The following SLC25A4 variants were observed in gnomAD, a reference collection of about 807,000 sequenced individuals.
The protein encoded by SLC25A4 is ADP/ATP translocase 1.
Under a neutral mutation model 24.7 loss-of-function variants are expected in SLC25A4, and 10 were observed. The observed-to-expected ratio is 0.41, with a 90% CI of 0.25 to 0.69. SLC25A4 has a LOEUF of 0.69. Ranked by LOEUF, SLC25A4 falls within the 30% of genes least tolerant of loss-of-function variation. The probability of loss-of-function intolerance (pLI) is 0.35; values close to 1 mark genes in which losing one functional copy is unlikely to be tolerated. For missense variants in SLC25A4, 273 were observed against 387.6 expected (o/e 0.70, Z 2.48); for synonymous variants, 125 against 153.3 (o/e 0.82, Z 1.36).
intron 3 of SLC25A4, among the ~76,000 whole-genome samples, chr4:185,146,377 C>G (rs1734443401): frequency 6.6e-6 from 1 of 152,166 alleles, no homozygotes; most frequent in African/African-American, 2.4e-5. Flanking sequence ...CTTTAAAAGT[C>G]AAAAACAGTC....
chr4:185,144,916 C>A lies in SLC25A4; in HGVS notation c.264C>A (p.Asn88Lys). ...VIRYFPTQAL[N>K]FAFKDKYKQL... ...GTTACTTCCCCACCCAAGCTCTCAA[C>A]TTCGCCTTCAAGGACAAGTACAAGC... The change falls in exon 2 of 4, where the codon AAC becomes AAA. Residue 88 changes from asparagine (N) to lysine (K), a missense_variant. By Grantham distance (94) the Asn-to-Lys change is moderately conservative (BLOSUM62 0). Transcript: ENST00000281456. 1 of 1,614,238 alleles carries A rather than the reference C, an allele frequency of 6.2e-7. No homozygotes were observed. The highest frequency in any genetic ancestry group is 1.1e-5 in the South Asian group (1 of 91,090).
At chr4:185,146,778 G>C in intron 3 of SLC25A4, 36 bp from the exon 4 acceptor site, 1 of 1,613,432 alleles carries the variant, frequency 6.2e-7, no homozygotes, top group Non-Finnish European at 8.5e-7. Context: ...CTTTCCTCCA[G>C]CGTTACGGAG....
rs1734479541 is a variant in SLC25A4 at position 185,148,298 on chromosome 4, A to C, written c.*1327A>C. 6.6e-6 allele frequency: 1 copy of C among 152,040 alleles called. No homozygotes were observed. The highest frequency in any genetic ancestry group is 2.1e-4 in the South Asian group (1 of 4,816). 9.4% of individuals were successfully genotyped at this position (152,040 alleles called of 1,614,324 possible). A position where few individuals can be genotyped will look rare whatever the true frequency, so the allele number is the denominator to read the frequency against. The stretch of plus-strand genomic sequence containing the variant: ...CCCAAATGCCCCTCCTCCAAACACC[A>C]CCACTTTGGGGGTTAAGATTTCAAC... On this transcript the variant is annotated 3_prime_UTR_variant, in exon 4 of 4. Coordinates refer to ENST00000281456, the MANE Select transcript of SLC25A4 (RefSeq NM_001151.4).
chr4:185,143,347 C>T lies in SLC25A4; in HGVS notation c.-26C>T. 7.2e-7 allele frequency: 1 copy of T among 1,389,572 alleles called. No homozygotes were observed. Among genetic ancestry groups the T allele is most frequent in the Non-Finnish European group, 9.9e-7 (1 of 1,010,200 alleles). The allele number at this position is 1,389,572 out of a possible 1,614,324, so 86.1% of individuals were successfully genotyped here. On this transcript the variant is annotated 5_prime_UTR_variant, in exon 1 of 4. Transcript: ENST00000281456. ...GGCGAGAGCACGAACGGGCTGCCTG[C>T]GGGCTGAGAGCGTCGAGCTGTCACC...
rs748031233 is a variant in SLC25A4, at chr4:185,145,830, G to A, written c.670G>A (p.Ala224Thr). Residue 224 changes from alanine (A) to threonine (T), a missense_variant, in exon 3 of 4, where the codon GCA becomes ACA. Ala to Thr is a moderately conservative substitution (Grantham distance 58). Coordinates refer to ENST00000281456, the MANE Select transcript of SLC25A4 (RefSeq NM_001151.4). This position sits in a 1 kb window ranked among gnomAD's most constrained non-coding sequence, Gnocchi z 5.5. ...WMIAQSVTAV[A>T]GLVSYPFDTV... ...GATTGCCCAGAGTGTGACGGCAGTCGCAGGGCTGGTGTCCTACCCCTTTGA... is the reference window on the plus strand; with the variant it reads ...GATTGCCCAGAGTGTGACGGCAGTCACAGGGCTGGTGTCCTACCCCTTTGA... The A allele has an allele frequency of 1.9e-6, 3 of 1,614,158 alleles. No homozygotes were observed. Among genetic ancestry groups the A allele is most frequent in the Non-Finnish European group, 1.7e-6 (2 of 1,179,994 alleles).
chr4:185,143,780 A>T (rs1734388816), intron 1 of SLC25A4, among the ~76,000 whole-genome samples: 1 of 152,016 alleles, frequency 6.6e-6, no homozygotes, highest in Admixed American at 6.5e-5. Flanking sequence ...CCGTGACAGC[A>T]CGGGCGTGCA....
In SLC25A4 at chr4:185,145,926, C is replaced by G; in HGVS notation, c.739+27C>G. The G allele has an allele frequency of 6.2e-7, 1 of 1,613,826 alleles. No individual in the cohort carries two copies. Among genetic ancestry groups the G allele is most frequent in the Non-Finnish European group, 8.5e-7 (1 of 1,179,910 alleles). On this transcript the variant is annotated intron_variant, in intron 3 of 3. Coordinates refer to ENST00000281456, the MANE Select transcript of SLC25A4 (RefSeq NM_001151.4). This position sits in a 1 kb window ranked among gnomAD's most constrained non-coding sequence, Gnocchi z 5.5. ...TAAGCTTGTGCTCTACTCATCTAAACTTGTTTGGTTTTGCCCGAGGAGAAC... is the reference window on the plus strand; with the variant it reads ...TAAGCTTGTGCTCTACTCATCTAAAGTTGTTTGGTTTTGCCCGAGGAGAAC...
chr4:185,143,554 G>A, intron 1 of SLC25A4, 71 bp downstream of exon 1: 1 of 511,034 alleles, frequency 2.0e-6, no homozygotes. Context: ...TGCGGCGCGA[G>A]CTGCAGGGCG....
At chr4:185,146,442 T>G (rs1640605130) in intron 3 of SLC25A4, among the ~76,000 whole-genome samples, 1 of 152,250 alleles carries the variant, frequency 6.6e-6, no homozygotes, top group Non-Finnish European at 1.5e-5. Flanking sequence ...TTATTTAGAC[T>G]GCATAACCTC....
Position 185,143,305 on chromosome 4 carries a change from G to A in SLC25A4, c.-68G>A, listed in dbSNP as rs2111283742. On this transcript the variant is annotated 5_prime_UTR_variant, in exon 1 of 4. The change creates a new upstream start codon in the 5' untranslated region. Transcript: ENST00000281456. ...GCGCAGGGTCGGGGACTGCGCGGCG[G>A]TGCCAGGCCGGGCGTGGGCGAGAGC... 2 of 932,306 alleles carry A rather than the reference G, an allele frequency of 2.1e-6. No homozygotes were observed. Among genetic ancestry groups the A allele is most frequent in the Non-Finnish European group, 3.3e-6 (2 of 605,946 alleles). The allele number at this position is 932,306 out of a possible 1,614,324, so 57.8% of individuals were successfully genotyped here. A position where few individuals can be genotyped will look rare whatever the true frequency, so the allele number is the denominator to read the frequency against.
At position 185,143,340 on chromosome 4, in the gene SLC25A4, C is replaced by T; in HGVS notation, c.-33C>T. ...GGGCGTGGGCGAGAGCACGAACGGGCTGCCTGCGGGCTGAGAGCGTCGAGC... is the reference window on the plus strand; with the variant it reads ...GGGCGTGGGCGAGAGCACGAACGGGTTGCCTGCGGGCTGAGAGCGTCGAGC... On this transcript the variant is annotated 5_prime_UTR_variant, in exon 1 of 4. Transcript: ENST00000281456. 1 of 1,331,716 alleles carries T rather than the reference C, an allele frequency of 7.5e-7. No homozygotes were observed. Among genetic ancestry groups the T allele is most frequent in the Non-Finnish European group, 1.0e-6 (1 of 960,380 alleles). 82.5% of individuals were successfully genotyped at this position (1,331,716 alleles called of 1,614,324 possible).
Position 185,147,272 on chromosome 4 carries a change from C to A in SLC25A4, c.*301C>A. On this transcript the variant is annotated 3_prime_UTR_variant, in exon 4 of 4. Transcript: ENST00000281456. ...ACATCAATAAAGACCACTTAATGCA[C>A]GCTTTCTATTTTATTGAACTCTTAT... is the stretch of plus-strand genomic sequence containing the variant. 1 of 303,266 alleles carries A rather than the reference C, an allele frequency of 3.3e-6. No homozygotes were observed. The highest frequency in any genetic ancestry group is 6.2e-6 in the Non-Finnish European group (1 of 161,590). The allele number at this position is 303,266 out of a possible 1,614,324, so 18.8% of individuals were successfully genotyped here. A position where few individuals can be genotyped will look rare whatever the true frequency, so the allele number is the denominator to read the frequency against.
In SLC25A4 at chr4:185,148,763, C is replaced by T. The variant is rs3733653; in HGVS notation, c.*1792C>T. ...AAAGACCAAGCAGTTGCTATAGTCT[C>T]CTGGATTGTGACTAATCTGGAGGAA... is the stretch of plus-strand genomic sequence containing the variant. On this transcript the variant is annotated 3_prime_UTR_variant, in exon 4 of 4. Transcript: ENST00000281456. 6.6e-6 allele frequency: 1 copy of T among 152,170 alleles called. No homozygotes were observed. Among genetic ancestry groups the T allele is most frequent in the African/African-American group, 2.4e-5 (1 of 41,462 alleles). The allele number at this position is 152,170 out of a possible 1,614,324, so 9.4% of individuals were successfully genotyped here.
At chr4:185,144,634 C>A (rs920031057) in intron 1 of SLC25A4, 130 bp from the exon 2 acceptor site, 3 of 807,254 alleles carry the variant, frequency 3.7e-6, no homozygotes, top group Non-Finnish European at 6.2e-6. Flanking sequence ...TCCTCAGTAT[C>A]CATTTGATTT....
intron 3 of SLC25A4, among the ~76,000 whole-genome samples, chr4:185,146,281 G>A (rs1734442199): frequency 6.6e-6 from 1 of 152,152 alleles, no homozygotes; most frequent in Admixed American, 6.5e-5. Flanking sequence ...GGGATGGGGT[G>A]TTTAGCTGGG....
chr4:185,145,943 G>A lies in SLC25A4; in HGVS notation c.739+44G>A, dbSNP rs1187034121. On this transcript the variant is annotated intron_variant, in intron 3 of 3. Transcript: ENST00000281456. This position sits in a 1 kb window ranked among gnomAD's most constrained non-coding sequence, Gnocchi z 5.5. ...CATCTAAACTTGTTTGGTTTTGCCCGAGGAGAACATTTTACAGGGCTCCTT... is the reference window on the plus strand; with the variant it reads ...CATCTAAACTTGTTTGGTTTTGCCCAAGGAGAACATTTTACAGGGCTCCTT... 2.5e-6 allele frequency: 4 copies of A among 1,610,926 alleles called. No homozygotes were observed. Among genetic ancestry groups the A allele is most frequent in the South Asian group, 2.2e-5 (2 of 90,402 alleles).
chr4:185,143,903 A>G (rs568408108), intron 1 of SLC25A4, among the ~76,000 whole-genome samples: 1 of 152,316 alleles, frequency 6.6e-6, no homozygotes, highest in South Asian at 2.1e-4. Context: ...CCCTTATCGT[A>G]TCTCATGCAC....
chr4:185,143,487 A>G lies in SLC25A4; in HGVS notation c.111+4A>G. 1 of 1,410,928 alleles carries G rather than the reference A, an allele frequency of 7.1e-7. No homozygotes were observed. The highest frequency in any genetic ancestry group is 9.4e-7 in the Non-Finnish European group (1 of 1,064,882). The allele number at this position is 1,410,928 out of a possible 1,614,324, so 87.4% of individuals were successfully genotyped here. A position where few individuals can be genotyped will look rare whatever the true frequency, so the allele number is the denominator to read the frequency against. ...GAGGGTCAAACTGCTGCTGCAGGTGAGGACCGCGCGGTGCAAGAGGCGGGC... is the reference window on the plus strand; with the variant it reads ...GAGGGTCAAACTGCTGCTGCAGGTGGGGACCGCGCGGTGCAAGAGGCGGGC... On this transcript the variant is annotated splice_donor_region_variant and intron_variant, in intron 1 of 3. Coordinates refer to ENST00000281456, the MANE Select transcript of SLC25A4 (RefSeq NM_001151.4).
rs55905558 is a variant in SLC25A4, at chr4:185,148,024, T to C, written c.*1053T>C. 65,116 of 151,730 alleles carry C rather than the reference T, an allele frequency of 0.43. 15,358 individuals are homozygous for C. The highest frequency in any genetic ancestry group is 0.67 in the East Asian group (3,465 of 5,148). 9.4% of individuals were successfully genotyped at this position (151,730 alleles called of 1,614,324 possible). A position where few individuals can be genotyped will look rare whatever the true frequency, so the allele number is the denominator to read the frequency against. On this transcript the variant is annotated 3_prime_UTR_variant, in exon 4 of 4. Coordinates refer to ENST00000281456, the MANE Select transcript of SLC25A4 (RefSeq NM_001151.4). The stretch of plus-strand genomic sequence containing the variant: ...GAAAATCAGTTGTCTTAGTTTAAGC[T>C]ACTATAACAAGGTACTGTAGACTGA...
Sources: allele counts gnomAD v4.1 joint callset (sites outside exome capture counted in the v4.1 genomes callset), GRCh38; gene constraint gnomAD v4.1.1; non-coding constraint Gnocchi (gnomAD v3.1); transcripts MANE v1.5; gene names NCBI Gene and HGNC (gene_info 2026-07-23, HGNC 2026-07-21).